DNAH14: variants seen among roughly 807,000 people sequenced by gnomAD.
The protein encoded by DNAH14 is axonemal beta dynein heavy chain 14.
A neutral mutation model predicts 520.9 loss-of-function variants in DNAH14; 478 were observed. The ratio of observed to expected loss-of-function variants is 0.92; its 90% CI spans 0.85 to 0.99. The LOEUF is 0.99. Among genes scored for constraint, DNAH14 ranks in the 50% least tolerant of loss-of-function variants. The pLI is 0.00. For missense variants in DNAH14, 4,831 were observed against 5,234.5 expected (o/e 0.92, Z 2.38); for synonymous variants, 1,581 against 1,757.2 (o/e 0.90, Z 2.51).
intron 10 of DNAH14, among the ~76,000 whole-genome samples, chr1:225,011,001 T>C (rs1186092932): frequency 6.6e-6 from 1 of 152,098 alleles, no homozygotes; most frequent in Non-Finnish European, 1.5e-5. Flanking sequence ...TCTTTATCAG[T>C]CTGGCTAGTG....
intron 76 of DNAH14, among the ~76,000 whole-genome samples, 170 bp from the exon 77 acceptor site, chr1:225,367,635 C>T (rs943063296): frequency 2.0e-5 from 3 of 152,174 alleles, no homozygotes; most frequent in African/African-American, 7.2e-5. Flanking sequence ...CTTTTAGAGA[C>T]GTTTTTACAT....
At chr1:225,358,741 TC>T (rs1408866999) in intron 74 of DNAH14, 89 bp downstream of exon 74, 52 of 1,359,252 alleles carry the variant, frequency 3.8e-5, no homozygotes, top group Non-Finnish European at 5.0e-5. Context: ...ATCCCCATAA[TC>T]CCCACATGTC....
At chr1:225,311,319 C>A (rs1420725138) in intron 60 of DNAH14, among the ~76,000 whole-genome samples, 1 of 151,596 alleles carries the variant, frequency 6.6e-6, no homozygotes, top group Non-Finnish European at 1.5e-5. Flanking sequence ...TTGTAAATTT[C>A]TTTAAGTTCC....
chr1:224,955,215 T>C, intron 3 of DNAH14, 117 bp downstream of exon 3: 1 of 1,124,754 alleles, frequency 8.9e-7, no homozygotes, highest in Non-Finnish European at 1.3e-6. Flanking sequence ...GAAATATTAG[T>C]GTCTATTTTA....
In DNAH14 at chr1:225,392,429, A is replaced by G. The variant is rs1436396372; in HGVS notation, c.13469A>G (p.Asn4490Ser). The G allele has an allele frequency of 1.9e-6, 3 of 1,551,896 alleles. No individual in the cohort carries two copies. The highest frequency in any genetic ancestry group is 2.4e-5 in the East Asian group (1 of 40,918). The part of the protein sequence containing the change: ...KFSVFMPKKL[N>S]IVRRAFKGSA... ...TCCGTATTTATGCCAAAGAAACTCA[A>G]CATAGTCAGGAGAGCGTTTAAGGTA... Residue 4490 changes from asparagine (N) to serine (S), a missense_variant, in exon 84 of 86, where the codon AAC becomes AGC. Transcript: ENST00000682510.
chr1:225,335,350 T>C (rs867846964), intron 66 of DNAH14, among the ~76,000 whole-genome samples: 697 of 63,336 alleles, frequency 0.011, 114 homozygotes, highest in Non-Finnish European at 0.013. Flanking sequence ...TGTGTGTGTA[T>C]ATGCATATAC....
intron 49 of DNAH14, among the ~76,000 whole-genome samples, chr1:225,268,876 T>G (rs1222014483): frequency 1.3e-5 from 2 of 152,166 alleles, no homozygotes; most frequent in Admixed American, 1.3e-4. Flanking sequence ...ATAGGAAGAA[T>G]CAATATTGTG....
At chr1:225,303,905 C>T (rs559675564) in intron 57 of DNAH14, among the ~76,000 whole-genome samples, 4 of 152,234 alleles carry the variant, frequency 2.6e-5, no homozygotes, top group South Asian at 2.1e-4. Flanking sequence ...TGAAACTCAA[C>T]GTAGGACATT....
At chr1:225,137,450 G>T (rs534956484) in intron 27 of DNAH14, among the ~76,000 whole-genome samples, 45 of 152,246 alleles carry the variant, frequency 3.0e-4, no homozygotes, top group African/African-American at 1.0e-3. Context: ...CCATCTCCCA[G>T]GTGCTAGTCA....
intron 27 of DNAH14, among the ~76,000 whole-genome samples, chr1:225,126,125 C>T (rs1257240658): frequency 6.6e-6 from 1 of 152,130 alleles, no homozygotes; most frequent in Non-Finnish European, 1.5e-5. Context: ...TCATTAATTG[C>T]AGATCACCAT....
At chr1:225,192,578 A>AAAAT in intron 37 of DNAH14, 118 bp from the exon 38 acceptor site, 7 of 630,624 alleles carry the variant, frequency 1.1e-5, no homozygotes, top group Non-Finnish European at 1.6e-5. Context: ...ACCTTTATAT[A>AAAAT]AAATCTTTTT....
chr1:225,203,226 C>T (rs2087090293), intron 38 of DNAH14, among the ~76,000 whole-genome samples: 3 of 152,176 alleles, frequency 2.0e-5, no homozygotes, highest in Admixed American at 2.0e-4. Flanking sequence ...CCTCCATCTG[C>T]CATGTTCTCT....
chr1:225,158,670 A>T (rs1352336572), intron 34 of DNAH14, among the ~76,000 whole-genome samples: 1 of 152,226 alleles, frequency 6.6e-6, no homozygotes, highest in Non-Finnish European at 1.5e-5. Context: ...TGTGGCTTTG[A>T]CACACAACCT....
In DNAH14 at chr1:225,119,274, C is replaced by T. The variant is rs1573249212; in HGVS notation, c.4146C>T (p.Ser1382=). The T allele has an allele frequency of 3.3e-6, 5 of 1,524,036 alleles. No individual in the cohort carries two copies. The African/African-American group carries it at 6.9e-5, about 21-fold the overall frequency. 94.4% of individuals were successfully genotyped at this position (1,524,036 alleles called of 1,614,324 possible). A position where few individuals can be genotyped will look rare whatever the true frequency, so the allele number is the denominator to read the frequency against. Residue 1382 remains serine (S), a synonymous_variant, in exon 26 of 86, where the codon AGC becomes AGT. Transcript: ENST00000682510. ...AGTGGCTGGTAAATGTAGAAAAAAG[C>T]ATGTTCGATGTGCTAAAAAAGTAAG... The part of the protein sequence containing the change: ...VEQWLVNVEK[S]MFDVLKKFLS...
chr1:225,162,458 A>G (rs1461353784), intron 35 of DNAH14, among the ~76,000 whole-genome samples: 2 of 152,172 alleles, frequency 1.3e-5, no homozygotes, highest in Non-Finnish European at 2.9e-5. Flanking sequence ...TATAATTTGA[A>G]GTCAGGTAAT....
intron 60 of DNAH14, among the ~76,000 whole-genome samples, chr1:225,317,875 C>T (rs1439760981): frequency 6.6e-6 from 1 of 152,160 alleles, no homozygotes; most frequent in Non-Finnish European, 1.5e-5. Context: ...AATATGACCT[C>T]TGGGCTTAAT....
chr1:225,272,000 A>G lies in DNAH14; in HGVS notation c.7766A>G (p.His2589Arg). Residue 2589 changes from histidine (H) to arginine (R), a missense_variant, in exon 51 of 86, where the codon CAT becomes CGT. By Grantham distance (29) the His-to-Arg change is conservative (BLOSUM62 0). Coordinates refer to ENST00000682510, the MANE Select transcript of DNAH14 (RefSeq NM_001367479.1). Reference protein sequence around the residue: ...QIISCSLAIYHQVRQNMLPTP... With the variant: ...QIISCSLAIYRQVRQNMLPTP... ...ATATCTTGTTCCCTAGCTATATACC[A>G]TCAAGTACGTCAGAATATGTTACCA... The G allele has an allele frequency of 6.4e-7, 1 of 1,550,914 alleles. No homozygotes were observed. Among genetic ancestry groups the G allele is most frequent in the Non-Finnish European group, 8.7e-7 (1 of 1,146,558 alleles).
At chr1:224,932,841 T>TATATTTTGA (rs2058781221) in intron 1 of DNAH14, among the ~76,000 whole-genome samples, 1 of 152,192 alleles carries the variant, frequency 6.6e-6, no homozygotes, top group Admixed American at 6.5e-5. Flanking sequence ...AGCTTTGTAG[T>TATATTTTGA]ATATTTTGAA....
At chr1:225,254,662 C>G (rs566095747) in intron 44 of DNAH14, among the ~76,000 whole-genome samples, 4 of 152,294 alleles carry the variant, frequency 2.6e-5, no homozygotes, top group South Asian at 2.1e-4. Flanking sequence ...AAGGGAGACT[C>G]TCTCTACCTG....
Sources: gnomAD v4.1 joint callset for allele counts (sites outside exome capture counted in the v4.1 genomes callset) on GRCh38, gnomAD v4.1.1 for gene constraint, MANE v1.5 for transcripts, NCBI Gene and HGNC (gene_info 2026-07-23, HGNC 2026-07-21) for gene names.